ATRNL1: variants seen among roughly 807,000 people sequenced by gnomAD.
ATRNL1 encodes attractin like 1, also known as attractin-like protein 1.
A neutral mutation model predicts 182.7 loss-of-function variants in ATRNL1; 95 were observed. That is an observed-to-expected ratio of 0.52 (90% CI 0.44 to 0.62). ATRNL1 has a LOEUF of 0.62. Among genes scored for constraint, ATRNL1 ranks in the 20% least tolerant of loss-of-function variants. The pLI, the probability that ATRNL1 is intolerant of heterozygous loss-of-function variation, is 0.00. For missense variants in ATRNL1, 1,471 were observed against 1,679.5 expected (o/e 0.88, Z 2.17); for synonymous variants, 576 against 568.3 (o/e 1.01, Z -0.19).
At position 115,485,736 on chromosome 10, in the gene ATRNL1, A is replaced by T. The variant is rs558987720; in HGVS notation, c.3654+16407A>T. On this transcript the variant is annotated intron_variant, in intron 24 of 28. Coordinates refer to ENST00000355044, the MANE Select transcript of ATRNL1 (RefSeq NM_207303.4). Reference sequence around the variant, plus strand: ...GAATCTTCTAGTGTTACACATTACAAATGAAGATCTTTCTTTTTTTATTAT... The same window carrying T: ...GAATCTTCTAGTGTTACACATTACATATGAAGATCTTTCTTTTTTTATTAT... Among the ~76,000 whole-genome samples, 43 of 152,012 alleles carry T rather than the reference A, an allele frequency of 2.8e-4. 1 individual carries two copies. The South Asian group carries it at 8.5e-3, about 30-fold the overall frequency.
intron 18 of ATRNL1, among the ~76,000 whole-genome samples, chr10:115,330,672 CTTT>C (rs200104323): frequency 5.9e-5 from 6 of 101,408 alleles, no homozygotes; most frequent in Admixed American, 1.1e-4. Context: ...GTGTTATTTG[CTTT>C]TTTTTTTTTT....
intron 8 of ATRNL1, among the ~76,000 whole-genome samples, chr10:115,200,401 C>T (rs1848522032): frequency 7.6e-6 from 1 of 130,840 alleles, no homozygotes; most frequent in Non-Finnish European, 1.6e-5. Context: ...CAACAGTCCC[C>T]AGAGTGTGAT....
At chr10:115,617,224 A>G (rs1555021102) in intron 26 of ATRNL1, among the ~76,000 whole-genome samples, 1 of 152,218 alleles carries the variant, frequency 6.6e-6, no homozygotes, top group African/African-American at 2.4e-5. Context: ...TCATTTAATG[A>G]CTGCCCTACT....
chr10:115,921,118 C>G (rs149123722), intron 28 of ATRNL1, among the ~76,000 whole-genome samples: 1 of 151,888 alleles, frequency 6.6e-6, no homozygotes, highest in African/African-American at 2.4e-5. Flanking sequence ...AAAGGAGGTC[C>G]CTGAAGAATA....
intron 19 of ATRNL1, among the ~76,000 whole-genome samples, chr10:115,383,162 A>G (rs940466714): frequency 4.1e-5 from 6 of 145,910 alleles, no homozygotes; most frequent in African/African-American, 1.3e-4. Context: ...TTAGTGTGGT[A>G]CATTGCATTT....
intron 27 of ATRNL1, among the ~76,000 whole-genome samples, chr10:115,762,052 T>A (rs1310434045): frequency 2.6e-5 from 4 of 152,114 alleles, no homozygotes; most frequent in African/African-American, 9.7e-5. Context: ...AAATTGGCCA[T>A]TGTCAGAATT....
At chr10:115,774,494 C>T (rs1055304018) in intron 27 of ATRNL1, among the ~76,000 whole-genome samples, 3 of 150,100 alleles carry the variant, frequency 2.0e-5, no homozygotes, top group Non-Finnish European at 3.0e-5. Context: ...GGGCAAGGTG[C>T]TCTGAGGGCC....
intron 27 of ATRNL1, among the ~76,000 whole-genome samples, chr10:115,805,170 A>G (rs116329237): frequency 0.02 from 2,989 of 152,258 alleles, 45 homozygotes; most frequent in African/African-American, 0.04. Flanking sequence ...CAAGAATCCA[A>G]TGTGACTTAT....
intron 26 of ATRNL1, among the ~76,000 whole-genome samples, chr10:115,563,927 G>C (rs928964639): frequency 3.3e-5 from 5 of 152,108 alleles, no homozygotes; most frequent in African/African-American, 9.6e-5. Context: ...AAAAGGCCTA[G>C]TCTGGTTGAT....
chr10:115,521,925 C>G (rs1850956161), intron 25 of ATRNL1, among the ~76,000 whole-genome samples: 2 of 152,124 alleles, frequency 1.3e-5, no homozygotes, highest in Non-Finnish European at 2.9e-5. Flanking sequence ...ATGGAGACCC[C>G]TCAATCAGGC....
At chr10:115,140,272 A>G (rs1251046852) in intron 5 of ATRNL1, among the ~76,000 whole-genome samples, 1 of 152,204 alleles carries the variant, frequency 6.6e-6, no homozygotes, top group Non-Finnish European at 1.5e-5. Context: ...TTTCTGGACA[A>G]AATCCACACA....
In ATRNL1 at chr10:115,639,252, A is replaced by G. The variant is rs78886305; in HGVS notation, c.3796-87996A>G. 4.3e-3 allele frequency among the ~76,000 whole-genome samples: 661 copies of G among 152,348 alleles called. 3 individuals carry two copies. The highest frequency in any genetic ancestry group is 0.015 in the African/African-American group (626 of 41,590). On this transcript the variant is annotated intron_variant, in intron 26 of 28. Coordinates refer to ENST00000355044, the MANE Select transcript of ATRNL1 (RefSeq NM_207303.4). Reference sequence around the variant, plus strand: ...AGAAGTGGCATAATTTCCAAGTGCTATAAGAAAAGAACTTCAAACTGTGAA... The same window carrying G: ...AGAAGTGGCATAATTTCCAAGTGCTGTAAGAAAAGAACTTCAAACTGTGAA...
At chr10:115,243,953 G>A (rs1338780510) in intron 10 of ATRNL1, among the ~76,000 whole-genome samples, 1 of 151,986 alleles carries the variant, frequency 6.6e-6, no homozygotes, top group Non-Finnish European at 1.5e-5. Flanking sequence ...TGGGTTTGGA[G>A]TATGAAATGT....
At chr10:115,595,559 A>G (rs2133928689) in intron 26 of ATRNL1, among the ~76,000 whole-genome samples, 1 of 152,070 alleles carries the variant, frequency 6.6e-6, no homozygotes, top group African/African-American at 2.4e-5. Flanking sequence ...AAAAACAGGG[A>G]TTTTCATTTC....
chr10:115,644,323 T>C (rs1004854296), intron 26 of ATRNL1, among the ~76,000 whole-genome samples: 4 of 152,174 alleles, frequency 2.6e-5, no homozygotes, highest in Admixed American at 2.0e-4. Flanking sequence ...TGGAGGCCTC[T>C]GTTACAATGG....
At chr10:115,604,458 T>C (rs989469225) in intron 26 of ATRNL1, among the ~76,000 whole-genome samples, 2 of 152,186 alleles carry the variant, frequency 1.3e-5, no homozygotes, top group African/African-American at 2.4e-5. Context: ...CTTTCTGAGC[T>C]GAGAAACTGT....
At chr10:115,192,361 C>T (rs1240759330) in intron 8 of ATRNL1, among the ~76,000 whole-genome samples, 2 of 151,982 alleles carry the variant, frequency 1.3e-5, no homozygotes, top group African/African-American at 2.4e-5. Context: ...CTGTCCTTTC[C>T]CCAATGTATG....
At chr10:115,120,672 A>T (rs1326710161) in intron 2 of ATRNL1, among the ~76,000 whole-genome samples, 2 of 152,120 alleles carry the variant, frequency 1.3e-5, no homozygotes, top group Non-Finnish European at 2.9e-5. Context: ...TTAATTATTC[A>T]TTTAGAGGTA....
intron 18 of ATRNL1, among the ~76,000 whole-genome samples, chr10:115,331,067 T>A (rs1411481383): frequency 0.017 from 5 of 296 alleles, no homozygotes; most frequent in Non-Finnish European, 0.052. Context: ...TTTATTGCAT[T>A]TTTTTTTTTT....
Sources: gnomAD v4.1 joint callset for allele counts (sites outside exome capture counted in the v4.1 genomes callset) on GRCh38, gnomAD v4.1.1 for gene constraint, MANE v1.5 for transcripts, NCBI Gene and HGNC (gene_info 2026-07-23, HGNC 2026-07-21) for gene names.